The following AHCYL2 variants were observed in gnomAD, a reference collection of about 807,000 sequenced individuals.
AHCYL2 encodes adenosylhomocysteinase like 2.
Under a neutral mutation model 81.4 loss-of-function variants are expected in AHCYL2, and 28 were observed. The ratio of observed to expected loss-of-function variants is 0.34; its 90% confidence interval spans 0.25 to 0.47. AHCYL2 has a LOEUF of 0.47. Ranked by LOEUF, AHCYL2 falls within the 20% of genes least tolerant of loss-of-function variation. AHCYL2 has a pLI of 1.00. For synonymous variants in AHCYL2, 272 were observed against 290.2 expected, an observed-to-expected ratio of 0.94 and a Z score of 0.64; for missense variants, 551 against 785.1, an observed-to-expected ratio of 0.70 and a Z score of 3.56.
intron 11 of AHCYL2, 55 bp downstream of exon 11, chr7:129,409,601 G>C (rs1352424740): frequency 5.0e-6 from 7 of 1,410,970 alleles, no homozygotes; most frequent in Non-Finnish European, 6.9e-6. Flanking sequence ...TTATGGAGCA[G>C]GTGCAAGATG....
At chr7:129,256,627 A>G in intron 1 of AHCYL2, among the ~76,000 whole-genome samples, 1 of 135,536 alleles carries the variant, frequency 7.4e-6, no homozygotes, top group Middle Eastern at 4.5e-3. Context: ...GTATGGATGT[A>G]CCATAATTTA....
chr7:129,421,551 G>C (rs1292871346), intron 12 of AHCYL2, among the ~76,000 whole-genome samples: 1 of 152,116 alleles, frequency 6.6e-6, no homozygotes, highest in Non-Finnish European at 1.5e-5. Flanking sequence ...ATAAAATTTT[G>C]CTAGCTGCTG....
intron 1 of AHCYL2, among the ~76,000 whole-genome samples, chr7:129,363,542 A>G (rs1358314634): frequency 1.3e-5 from 2 of 152,088 alleles, no homozygotes; most frequent in East Asian, 3.9e-4. Context: ...AAAGTGATAT[A>G]TTTTACTTGT....
At chr7:129,261,852 T>C (rs1228090582) in intron 1 of AHCYL2, among the ~76,000 whole-genome samples, 1 of 152,214 alleles carries the variant, frequency 6.6e-6, no homozygotes, top group Non-Finnish European at 1.5e-5. Flanking sequence ...GGTGCTCTTT[T>C]ATTATCTTTT....
At chr7:129,416,026 C>A (rs1292497423) in intron 12 of AHCYL2, among the ~76,000 whole-genome samples, 1 of 151,796 alleles carries the variant, frequency 6.6e-6, no homozygotes, top group Admixed American at 6.6e-5. Context: ...GCGACAAGAG[C>A]GAAACTCCAT....
rs1479226647 is a variant in AHCYL2, at chr7:129,368,918, TGAG to T, written c.364-10716_364-10714del. ...CTCTGGGGGTAAAGAAAAAGAACAA[TGAG>T]GAGAAAAAACAAAAACAGAACTTAC... On this transcript the variant is annotated intron_variant, in intron 1 of 16. Coordinates refer to ENST00000325006, the MANE Select transcript of AHCYL2 (RefSeq NM_015328.4). The surrounding 1 kb of genome is among the most constrained non-coding windows in gnomAD (Gnocchi z 4.4). Among the ~76,000 whole-genome samples the T allele has an allele frequency of 4.6e-5, 7 of 152,094 alleles. No individual in the cohort carries two copies. The East Asian group carries it at 1.4e-3, about 29-fold the overall frequency.
intron 1 of AHCYL2, among the ~76,000 whole-genome samples, chr7:129,269,132 T>TG (rs1795914414): frequency 5.3e-4 from 1 of 1,872 alleles, no homozygotes; most frequent in Non-Finnish European, 0.083. Flanking sequence ...ATGATTCCTG[T>TG]TTTTTTTTTT....
chr7:129,397,578 C>T (rs1038272592), intron 5 of AHCYL2, among the ~76,000 whole-genome samples: 3 of 152,198 alleles, frequency 2.0e-5, no homozygotes, highest in African/African-American at 7.2e-5. Flanking sequence ...TTTGTTTTAA[C>T]TCACTAATTC....
intron 1 of AHCYL2, among the ~76,000 whole-genome samples, chr7:129,303,799 C>T (rs1797333260): frequency 1.3e-5 from 2 of 152,106 alleles, no homozygotes; most frequent in African/African-American, 4.8e-5. Flanking sequence ...AAACTTCCCT[C>T]TTTGGCTGGG....
At chr7:129,234,047 GT>G (rs1217539023) in intron 1 of AHCYL2, among the ~76,000 whole-genome samples, 1 of 146,892 alleles carries the variant, frequency 6.8e-6, no homozygotes, top group African/African-American at 2.5e-5. Flanking sequence ...CTTTCTCTTT[GT>G]TTTCATTCAT....
At chr7:129,343,749 G>A (rs572517384) in intron 1 of AHCYL2, among the ~76,000 whole-genome samples, 19 of 152,160 alleles carry the variant, frequency 1.2e-4, no homozygotes, top group African/African-American at 4.3e-4. Context: ...CTTGGGGTAG[G>A]CAAAACTTTC....
chr7:129,367,661 T>C (rs1308556720), intron 1 of AHCYL2, among the ~76,000 whole-genome samples: 1 of 152,230 alleles, frequency 6.6e-6, no homozygotes, highest in African/African-American at 2.4e-5. Context: ...ACCTACACTG[T>C]GGTGGCTTCT....
chr7:129,324,704 A>G (rs185527168), intron 1 of AHCYL2, among the ~76,000 whole-genome samples: 1,706 of 151,828 alleles, frequency 0.011, 45 homozygotes, highest in African/African-American at 0.04. Flanking sequence ...TTTAGTAGAG[A>G]CGGGGTTTCA....
intron 1 of AHCYL2, among the ~76,000 whole-genome samples, chr7:129,313,892 A>G (rs1381018072): frequency 1.3e-5 from 2 of 152,232 alleles, no homozygotes; most frequent in South Asian, 2.1e-4. Context: ...GAGTCTTCCA[A>G]TTAATGGCAG....
intron 1 of AHCYL2, among the ~76,000 whole-genome samples, chr7:129,314,164 A>C (rs1797756036): frequency 6.6e-6 from 1 of 152,166 alleles, no homozygotes; most frequent in South Asian, 2.1e-4. Context: ...TTCACCTTCA[A>C]GTCATCCCTT....
At chr7:129,226,662 C>T (rs1218133570) in intron 1 of AHCYL2, among the ~76,000 whole-genome samples, 2 of 152,100 alleles carry the variant, frequency 1.3e-5, no homozygotes, top group Non-Finnish European at 2.9e-5. Flanking sequence ...ATCCTTTCAT[C>T]CTAACGATAC....
Position 129,225,485 on chromosome 7 carries a change from G to A in AHCYL2, c.363+46G>A, listed in dbSNP as rs562118851. The A allele has an allele frequency of 1.2e-4, 182 of 1,460,890 alleles. 2 individuals are homozygous for A. The East Asian group carries it at 1.6e-3, about 12-fold the overall frequency. 90.5% of individuals were successfully genotyped at this position (1,460,890 alleles called of 1,614,324 possible). A position where few individuals can be genotyped will look rare whatever the true frequency, so the allele number is the denominator to read the frequency against. ...CTCTAGGAGAGGAAGGGAGGGGAGGGGAACTGCAGATCCTCTCGGCACGGC... is the reference window on the plus strand; with the variant it reads ...CTCTAGGAGAGGAAGGGAGGGGAGGAGAACTGCAGATCCTCTCGGCACGGC... On this transcript the variant is annotated intron_variant, in intron 1 of 16. Transcript: ENST00000325006.
At chr7:129,391,705 A>C (rs1053992357) in intron 4 of AHCYL2, among the ~76,000 whole-genome samples, 18 of 152,210 alleles carry the variant, frequency 1.2e-4, no homozygotes, top group African/African-American at 2.4e-5. Context: ...TGGCTAGATC[A>C]GCTTTCCAAA....
At chr7:129,339,614 C>T (rs1181889918) in intron 1 of AHCYL2, among the ~76,000 whole-genome samples, 1 of 151,768 alleles carries the variant, frequency 6.6e-6, no homozygotes, top group Non-Finnish European at 1.5e-5. Context: ...TCATCGCAGC[C>T]TCAAACTACT....
Sources: allele counts gnomAD v4.1 joint callset (sites outside exome capture counted in the v4.1 genomes callset), GRCh38; gene constraint gnomAD v4.1.1; non-coding constraint Gnocchi (gnomAD v3.1); transcripts MANE v1.5; gene names NCBI Gene and HGNC (gene_info 2026-07-23, HGNC 2026-07-21).